PXDN: variants seen among roughly 807,000 people sequenced by gnomAD.
PXDN encodes peroxidasin.
In PXDN, 77 loss-of-function variants were observed where a neutral mutation model predicts 140.3. That is an observed-to-expected ratio of 0.55 (90% confidence interval 0.46 to 0.66). The LOEUF is 0.66. Among genes scored for constraint, PXDN ranks in the 30% least tolerant of loss-of-function variants. The probability of loss-of-function intolerance (pLI) is 0.00; values close to 1 mark genes in which losing one functional copy is unlikely to be tolerated. For missense variants in PXDN, 1,838 were observed against 2,039.5 expected, an observed-to-expected ratio of 0.90 and a Z score of 1.90; for synonymous variants, 911 against 857.4, an observed-to-expected ratio of 1.06 and a Z score of -1.09.
intron 1 of PXDN, among the ~76,000 whole-genome samples, chr2:1,698,879 A>T (rs1477392358): frequency 1.3e-5 from 2 of 152,206 alleles, no homozygotes; most frequent in East Asian, 3.9e-4. Flanking sequence ...CAGTCTCAAA[A>T]ACAGAACACA....
At chr2:1,686,928 C>T (rs953661926) in intron 4 of PXDN, among the ~76,000 whole-genome samples, 11 of 152,324 alleles carry the variant, frequency 7.2e-5, no homozygotes, top group Admixed American at 1.3e-4. Context: ...TTCCTAAAAC[C>T]GTGACAAATT....
intron 1 of PXDN, among the ~76,000 whole-genome samples, chr2:1,700,716 A>T (rs1208291621): frequency 6.6e-6 from 1 of 152,082 alleles, no homozygotes; most frequent in East Asian, 1.9e-4. Context: ...TCTACTAAAA[A>T]TACAAAAAAT....
At chr2:1,658,371 C>T (rs977545176) in intron 14 of PXDN, among the ~76,000 whole-genome samples, 6 of 152,102 alleles carry the variant, frequency 3.9e-5, no homozygotes, top group Admixed American at 6.5e-5. Flanking sequence ...CAAGCCGGTT[C>T]CTCCCCAGCT....
chr2:1,675,363 C>T (rs1420272273), intron 8 of PXDN, among the ~76,000 whole-genome samples: 2 of 152,144 alleles, frequency 1.3e-5, no homozygotes, highest in Admixed American at 6.5e-5. Flanking sequence ...TCAATTTTTT[C>T]GTATATAAAA....
intron 1 of PXDN, among the ~76,000 whole-genome samples, chr2:1,699,057 G>A (rs944568385): frequency 3.9e-5 from 6 of 152,074 alleles, no homozygotes; most frequent in African/African-American, 1.4e-4. Flanking sequence ...GTAGTGTTTG[G>A]AACGAAACAT....
intron 1 of PXDN, among the ~76,000 whole-genome samples, chr2:1,711,971 C>A (rs1334760882): frequency 1.1e-4 from 17 of 152,186 alleles, no homozygotes; most frequent in Admixed American, 1.1e-3. Flanking sequence ...CTTCCCAAGA[C>A]AAGATGTCAG....
In PXDN at chr2:1,687,784, C is replaced by A; in HGVS notation, c.345-81G>T. On this transcript the variant is annotated intron_variant, in intron 3 of 22. Transcript: ENST00000252804. The surrounding 1 kb of genome is among the most constrained non-coding windows in gnomAD (Gnocchi z 4.0). ...ACGGAAAAGAAGAATTAAATTGACA[C>A]ATGGAGACAGTTTTACAATTAATGA... is the stretch of plus-strand genomic sequence containing the variant. 9.3e-7 allele frequency: 1 copy of A among 1,073,010 alleles called. No individual in the cohort carries two copies. The highest frequency in any genetic ancestry group is 1.4e-6 in the Non-Finnish European group (1 of 727,992). 66.5% of individuals were successfully genotyped at this position (1,073,010 alleles called of 1,614,324 possible).
chr2:1,724,467 T>C (rs1359409948), intron 1 of PXDN, among the ~76,000 whole-genome samples: 1 of 152,194 alleles, frequency 6.6e-6, no homozygotes, highest in Admixed American at 6.5e-5. Flanking sequence ...TAGATAAGCA[T>C]CTTTATGAGT....
intron 1 of PXDN, among the ~76,000 whole-genome samples, chr2:1,710,586 C>CCTCTCCCCCAGCACCCA (rs1684732401): frequency 1.0e-5 from 1 of 99,772 alleles, no homozygotes; most frequent in Non-Finnish European, 2.0e-5. Flanking sequence ...CCACTAGCAC[C>CCTCTCCCCCAGCACCCA]CTCTCCACCA....
At chr2:1,716,487 G>A (rs982897966) in intron 1 of PXDN, among the ~76,000 whole-genome samples, 4 of 140,682 alleles carry the variant, frequency 2.8e-5, no homozygotes, top group Non-Finnish European at 4.5e-5. Context: ...TGGCAACATC[G>A]CCTGCCTCCC....
intron 16 of PXDN, chr2:1,653,110 G>A: frequency 4.8e-6 from 1 of 209,212 alleles, no homozygotes; most frequent in Non-Finnish European, 9.8e-6. Context: ...CTGGGCAACG[G>A]CAAAGTGCCA....
chr2:1,671,393 A>C (rs954920582), intron 9 of PXDN, among the ~76,000 whole-genome samples: 2 of 152,134 alleles, frequency 1.3e-5, no homozygotes, highest in African/African-American at 2.4e-5. Flanking sequence ...ATTAACTTTA[A>C]GAAAAACTTA....
At chr2:1,683,518 C>A (rs1473439739) in intron 6 of PXDN, 138 bp downstream of exon 6, 5 of 808,852 alleles carry the variant, frequency 6.2e-6, no homozygotes, top group Non-Finnish European at 9.5e-6. Context: ...GGATTCAATC[C>A]ACCCTCCATA....
chr2:1,639,485 A>T lies in PXDN; in HGVS notation c.3953-63T>A. The T allele has an allele frequency of 6.2e-7, 1 of 1,606,246 alleles. No homozygotes were observed. Among genetic ancestry groups the T allele is most frequent in the Non-Finnish European group, 8.5e-7 (1 of 1,174,610 alleles). On this transcript the variant is annotated intron_variant, in intron 19 of 22. Transcript: ENST00000252804. The surrounding 1 kb of genome is among the most constrained non-coding windows in gnomAD (Gnocchi z 5.0). ...GGCTCTGACCTCGGGGAAATTAAGCACATCCTGCCAACTATGAAGTCTTCA... is the reference window on the plus strand; with the variant it reads ...GGCTCTGACCTCGGGGAAATTAAGCTCATCCTGCCAACTATGAAGTCTTCA...
Position 1,683,407 on chromosome 2 carries a change from C to T in PXDN, c.560+249G>A, listed in dbSNP as rs777879640. ...CTCCAGCCTGGGCAACAGAGCAAGA[C>T]CCTATCTGAAAAAAAATTTTTTTAA... On this transcript the variant is annotated intron_variant, in intron 6 of 22. Transcript: ENST00000252804. Among the ~76,000 whole-genome samples the T allele has an allele frequency of 1.0e-3, 153 of 152,206 alleles. 3 individuals are homozygous for T. Among genetic ancestry groups the T allele is most frequent in the Admixed American group, 1.2e-3 (19 of 15,296 alleles).
chr2:1,722,090 G>C (rs1685066762), intron 1 of PXDN, among the ~76,000 whole-genome samples: 1 of 152,232 alleles, frequency 6.6e-6, no homozygotes, highest in Admixed American at 6.5e-5. Context: ...ACAGAGTTAA[G>C]CGAGAAATAA....
chr2:1,726,249 TA>T (rs772574081), intron 1 of PXDN, among the ~76,000 whole-genome samples: 1 of 151,112 alleles, frequency 6.6e-6, no homozygotes, highest in African/African-American at 2.4e-5. Context: ...TATGCAGCCA[TA>T]AAAAATGATG....
At chr2:1,686,883 C>T (rs1378515797) in intron 4 of PXDN, among the ~76,000 whole-genome samples, 4 of 152,322 alleles carry the variant, frequency 2.6e-5, no homozygotes, top group East Asian at 3.9e-4. Flanking sequence ...GAGGACGTCA[C>T]GCTGCGTCAC....
intron 1 of PXDN, among the ~76,000 whole-genome samples, chr2:1,697,477 G>A (rs1684323821): frequency 6.6e-6 from 1 of 152,174 alleles, no homozygotes; most frequent in East Asian, 1.9e-4. Flanking sequence ...AATAAGCTTT[G>A]CACATGTCTG....
Sources: allele counts gnomAD v4.1 joint callset (sites outside exome capture counted in the v4.1 genomes callset), GRCh38; gene constraint gnomAD v4.1.1; non-coding constraint Gnocchi (gnomAD v3.1); transcripts MANE v1.5; gene names NCBI Gene and HGNC (gene_info 2026-07-23, HGNC 2026-07-21).